Variants in MAP3K10 observed in about 807,000 individuals in gnomAD.
MAP3K10 encodes MKN28 derived nonreceptor_type serine/threonine kinase.
Under a neutral mutation model 75.0 loss-of-function variants are expected in MAP3K10, and 22 were observed. The ratio of observed to expected loss-of-function variants is 0.29; its 90% CI spans 0.21 to 0.42. The LOEUF (loss-of-function observed/expected upper bound fraction) is 0.42, where lower values mean the gene tolerates loss of function less well. MAP3K10 is among the 10% of genes least tolerant of loss of function. The probability of loss-of-function intolerance (pLI) is 1.00; values close to 1 mark genes in which losing one functional copy is unlikely to be tolerated. For missense variants in MAP3K10, 1,165 were observed against 1,379.8 expected (o/e 0.84, Z 2.47); for synonymous variants, 599 against 612.9 (o/e 0.98, Z 0.34).
Position 40,214,234 on chromosome 19 carries a change from C to T in MAP3K10, c.2542+13C>T. 7.2e-7 allele frequency: 1 copy of T among 1,381,584 alleles called. No individual in the cohort carries two copies. The highest frequency in any genetic ancestry group is 9.3e-7 in the Non-Finnish European group (1 of 1,075,518). The allele number at this position is 1,381,584 out of a possible 1,614,324, so 85.6% of individuals were successfully genotyped here. ...GGCCATGGCCCTGGTGAGTGAGGCG[C>T]CCTGCACCCAGGTCACAGAAAACCC... On this transcript the variant is annotated intron_variant, in intron 9 of 9. Transcript: ENST00000253055.
chr19:40,204,710 A>C lies in MAP3K10; in HGVS notation c.1012+77A>C. ...CTGTGGGCCCAGACCTTTCCCCTTC[A>C]CACCTATCCATACCAGTGGGCCCAG... On this transcript the variant is annotated intron_variant, in intron 3 of 9. Transcript: ENST00000253055. This position sits in a 1 kb window ranked among gnomAD's most constrained non-coding sequence, Gnocchi z 4.3. 1 of 1,518,454 alleles carries C rather than the reference A, an allele frequency of 6.6e-7. No homozygotes were observed. 94.1% of individuals were successfully genotyped at this position (1,518,454 alleles called of 1,614,324 possible). A position where few individuals can be genotyped will look rare whatever the true frequency, so the allele number is the denominator to read the frequency against.
At chr19:40,203,640 C>T (rs1200431076) in intron 2 of MAP3K10, among the ~76,000 whole-genome samples, 2 of 152,246 alleles carry the variant, frequency 1.3e-5, no homozygotes, top group Non-Finnish European at 2.9e-5. Flanking sequence ...TCAGCTAAAG[C>T]AGGGGTCATA....
At position 40,213,099 on chromosome 19, in the gene MAP3K10, G is replaced by T; in HGVS notation, c.1748G>T (p.Ser583Ile). 6.2e-7 allele frequency: 1 copy of T among 1,606,306 alleles called. No homozygotes were observed. Among genetic ancestry groups the T allele is most frequent in the Non-Finnish European group, 8.5e-7 (1 of 1,177,176 alleles). ...EERLKGLGEG[S>I]KQWSSSAPNL... is the part of the protein sequence containing the mutation. ...AGGCTGAAGGGGCTGGGGGAAGGAA[G>T]CAAACAGTGGTCATCAAGTGCCCCC... Residue 583 changes from serine (S) to isoleucine (I), a missense_variant, in exon 8 of 10, where the codon AGC (serine) becomes ATC (isoleucine). By Grantham distance (142) the Ser-to-Ile change is moderately radical (BLOSUM62 -2). Transcript: ENST00000253055. This position sits in a 1 kb window ranked among gnomAD's most constrained non-coding sequence, Gnocchi z 5.7.
chr19:40,210,324 C>T (rs770307319), intron 6 of MAP3K10, among the ~76,000 whole-genome samples: 1 of 140,648 alleles, frequency 7.1e-6, no homozygotes, highest in African/African-American at 3.0e-5. Flanking sequence ...TTGGCACATA[C>T]GATTATGGAG....
Position 40,198,410 on chromosome 19 carries a change from G to T in MAP3K10, c.718G>T (p.Ala240Ser). The change falls in exon 2 of 10, where the codon GCA (alanine) becomes TCA (serine). Residue 240 changes from alanine (A) to serine (S), a missense_variant. Physicochemically the swap from Ala to Ser is moderately conservative, Grantham distance 99. Transcript: ENST00000253055. This position sits in a 1 kb window ranked among gnomAD's most constrained non-coding sequence, Gnocchi z 4.3. Reference protein sequence around the residue: ...ILEAIENHNLADTVLKITDFG... With the variant: ...ILEAIENHNLSDTVLKITDFG... ...GGAGGCCATCGAGAACCACAACCTCGCAGACACGGTGCTCAAGATCACGGA... is the reference window on the plus strand; with the variant it reads ...GGAGGCCATCGAGAACCACAACCTCTCAGACACGGTGCTCAAGATCACGGA... 6.2e-7 allele frequency: 1 copy of T among 1,613,876 alleles called. No individual in the cohort carries two copies. Among genetic ancestry groups the T allele is most frequent in the Non-Finnish European group, 8.5e-7 (1 of 1,179,970 alleles).
rs765128661 is a variant in MAP3K10 at position 40,192,369 on chromosome 19, A to T, written c.338A>T (p.Tyr113Phe). Reference protein sequence around the residue: ...IIGVGGFGKVYRALWRGEEVA... With the variant: ...IIGVGGFGKVFRALWRGEEVA... ...GGTGTGGGGGGCTTTGGCAAGGTCT[A>T]TCGGGCCCTGTGGCGTGGCGAGGAG... The change falls in exon 1 of 10, where the codon TAT becomes TTT. Residue 113 changes from tyrosine (Y) to phenylalanine (F), a missense_variant. Physicochemically the swap from Tyr to Phe is conservative, Grantham distance 22 (BLOSUM62 3). Coordinates refer to ENST00000253055, the MANE Select transcript of MAP3K10 (RefSeq NM_002446.4). This position sits in a 1 kb window ranked among gnomAD's most constrained non-coding sequence, Gnocchi z 7.1. 1.2e-6 allele frequency: 2 copies of T among 1,613,662 alleles called. No individual in the cohort carries two copies.
At position 40,213,484 on chromosome 19, in the gene MAP3K10, C is replaced by T. The variant is rs1973278689; in HGVS notation, c.1838-33C>T. ...AGTCCCCGTGGGGCCCTGGCCAGCC[C>T]TGCAGCGGAGTGATGGCCCTCTCCG... On this transcript the variant is annotated intron_variant, in intron 8 of 9. Coordinates refer to ENST00000253055, the MANE Select transcript of MAP3K10 (RefSeq NM_002446.4). The surrounding 1 kb of genome is among the most constrained non-coding windows in gnomAD (Gnocchi z 5.7). The T allele has an allele frequency of 6.2e-7, 1 of 1,606,388 alleles. No homozygotes were observed. Among genetic ancestry groups the T allele is most frequent in the Non-Finnish European group, 8.5e-7 (1 of 1,178,414 alleles).
At chr19:40,207,795 T>C (rs534720773) in intron 5 of MAP3K10, among the ~76,000 whole-genome samples, 17 of 152,224 alleles carry the variant, frequency 1.1e-4, no homozygotes, top group Non-Finnish European at 2.5e-4. Flanking sequence ...TACAAAATAA[T>C]TGTGAGATAT....
Position 40,213,179 on chromosome 19 carries a change from A to G in MAP3K10, c.1828A>G (p.Asn610Asp), listed in dbSNP as rs747351192. 1.9e-6 allele frequency: 3 copies of G among 1,578,786 alleles called. No individual in the cohort carries two copies. Among genetic ancestry groups the G allele is most frequent in the Non-Finnish European group, 2.6e-6 (3 of 1,162,850 alleles). ...CATCGCCCCTGGCTTTGCCAGCCTCAATGAGATGGGTAAGAGCCTGGGTTC... is the reference window on the plus strand; with the variant it reads ...CATCGCCCCTGGCTTTGCCAGCCTCGATGAGATGGGTAAGAGCCTGGGTTC... ...TPIAPGFASLNEMEEFAEAED... is the reference protein window; with the variant it reads ...TPIAPGFASLDEMEEFAEAED... The change falls in exon 8 of 10, where the codon AAT becomes GAT. Residue 610 changes from asparagine to aspartate, a missense_variant. Coordinates refer to ENST00000253055, the MANE Select transcript of MAP3K10 (RefSeq NM_002446.4). This position sits in a 1 kb window ranked among gnomAD's most constrained non-coding sequence, Gnocchi z 5.7.
intron 2 of MAP3K10, among the ~76,000 whole-genome samples, chr19:40,203,840 G>T (rs1253900610): frequency 6.6e-6 from 1 of 152,242 alleles, no homozygotes; most frequent in Non-Finnish European, 1.5e-5. Flanking sequence ...ATCAAGGAAG[G>T]CTTCCTGACA....
rs1973258023 is a variant in MAP3K10, at chr19:40,212,473, C to T, written c.1553-332C>T. Reference sequence around the variant, plus strand: ...TACAGAGATGAAGGCAGCTGACCCCCAGGGAACTAACTACCCAGAGCTGGA... The same window carrying T: ...TACAGAGATGAAGGCAGCTGACCCCTAGGGAACTAACTACCCAGAGCTGGA... On this transcript the variant is annotated intron_variant, in intron 6 of 9. Coordinates refer to ENST00000253055, the MANE Select transcript of MAP3K10 (RefSeq NM_002446.4). This position sits in a 1 kb window ranked among gnomAD's most constrained non-coding sequence, Gnocchi z 4.2. 6.6e-6 allele frequency among the ~76,000 whole-genome samples: 1 copy of T among 152,196 alleles called. No individual in the cohort carries two copies. Among genetic ancestry groups the T allele is most frequent in the Non-Finnish European group, 1.5e-5 (1 of 68,034 alleles).
At chr19:40,210,985 T>C (rs1973228030) in intron 6 of MAP3K10, among the ~76,000 whole-genome samples, 1 of 152,192 alleles carries the variant, frequency 6.6e-6, no homozygotes, top group Non-Finnish European at 1.5e-5. Context: ...ACCAGCTACC[T>C]AGGCGTCCTT....
In MAP3K10 at chr19:40,198,409, C is replaced by T. The variant is rs377562938; in HGVS notation, c.717C>T (p.Leu239=). The T allele has an allele frequency of 8.1e-6, 13 of 1,613,930 alleles. No homozygotes were observed. The highest frequency in any genetic ancestry group is 1.1e-5 in the South Asian group (1 of 91,080). ...TGGAGGCCATCGAGAACCACAACCT[C>T]GCAGACACGGTGCTCAAGATCACGG... is the stretch of plus-strand genomic sequence containing the variant. The part of the protein sequence containing the change: ...LILEAIENHN[L]ADTVLKITDF... The change falls in exon 2 of 10, where the codon CTC becomes CTT. Residue 239 remains leucine (L), a synonymous_variant. Transcript: ENST00000253055. The surrounding 1 kb of genome is among the most constrained non-coding windows in gnomAD (Gnocchi z 4.3).
chr19:40,213,856 G>A lies in MAP3K10; in HGVS notation c.2177G>A (p.Arg726His), dbSNP rs935536478. ...RFPRGLSPPA[R>H]PHGRREDVGP... ...CCGCGGGGCCTCAGCCCACCCGCGCGTCCCCACGGCCGCCGCGAAGACGTG... is the reference window on the plus strand; with the variant it reads ...CCGCGGGGCCTCAGCCCACCCGCGCATCCCCACGGCCGCCGCGAAGACGTG... The change falls in exon 9 of 10, where the codon CGT becomes CAT. Residue 726 changes from arginine (R) to histidine (H), a missense_variant. By Grantham distance (29) the Arg-to-His change is conservative. Coordinates refer to ENST00000253055, the MANE Select transcript of MAP3K10 (RefSeq NM_002446.4). The surrounding 1 kb of genome is among the most constrained non-coding windows in gnomAD (Gnocchi z 5.7). 17 of 1,389,534 alleles carry A rather than the reference G, an allele frequency of 1.2e-5. No individual in the cohort carries two copies. The highest frequency in any genetic ancestry group is 3.6e-5 in the Admixed American group (1 of 27,982). 86.1% of individuals were successfully genotyped at this position (1,389,534 alleles called of 1,614,324 possible).
At chr19:40,201,811 TTTTTAA>T (rs926511492) in intron 2 of MAP3K10, among the ~76,000 whole-genome samples, 3 of 150,736 alleles carry the variant, frequency 2.0e-5, no homozygotes, top group East Asian at 1.9e-4. Context: ...TTTTTTTTTT[TTTTTAA>T]TTTTAAGTTC....
At chr19:40,208,345 C>CTTTCTTTTTTTTTTTTTT (rs1555756622) in intron 5 of MAP3K10, among the ~76,000 whole-genome samples, 8 of 55,904 alleles carry the variant, frequency 1.4e-4, no homozygotes, top group Non-Finnish European at 2.7e-4. Flanking sequence ...CTCTTTCTTT[C>CTTTCTTTTTTTTTTTTTT]TTTTTTTTTT....
intron 1 of MAP3K10, among the ~76,000 whole-genome samples, chr19:40,195,310 A>G (rs1007228000): frequency 6.6e-6 from 1 of 151,996 alleles, no homozygotes; most frequent in Non-Finnish European, 1.5e-5. Context: ...AAATACAGAA[A>G]TAAAGCATAA....
At chr19:40,193,018 A>G (rs973979247) in intron 1 of MAP3K10, among the ~76,000 whole-genome samples, 1 of 152,186 alleles carries the variant, frequency 6.6e-6, no homozygotes, top group African/African-American at 2.4e-5. Context: ...CCTGCCTTCA[A>G]GGTGCTTGCC....
At chr19:40,208,531 G>T (rs943385151) in intron 5 of MAP3K10, among the ~76,000 whole-genome samples, 1 of 149,474 alleles carries the variant, frequency 6.7e-6, no homozygotes, top group Admixed American at 6.7e-5. Flanking sequence ...CTCAAATTGC[G>T]GTAATTACAA....
Sources: allele counts gnomAD v4.1 joint callset (sites outside exome capture counted in the v4.1 genomes callset), GRCh38; gene constraint gnomAD v4.1.1; non-coding constraint Gnocchi (gnomAD v3.1); transcripts MANE v1.5; gene names NCBI Gene and HGNC (gene_info 2026-07-23, HGNC 2026-07-21).